Variants in FYN observed in about 807,000 individuals in gnomAD.
The protein encoded by FYN is FYN proto-oncogene, Src family tyrosine kinase, also known as tyrosine-protein kinase Fyn.
A neutral mutation model predicts 70.2 loss-of-function variants in FYN; 10 were observed. The ratio of observed to expected loss-of-function variants is 0.14; its 90% CI spans 0.09 to 0.24. FYN has a LOEUF of 0.24. Ranked by LOEUF, FYN falls within the 10% of genes least tolerant of loss-of-function variation. FYN has a pLI of 1.00. For synonymous variants in FYN, 236 were observed against 248.6 expected (o/e 0.95, Z 0.48); for missense variants, 319 against 673.1 (o/e 0.47, Z 5.82).
Position 111,661,976 on chromosome 6 carries a change from C to A in FYN, c.1406-29G>T. On this transcript the variant is annotated intron_variant, in intron 13 of 13. Transcript: ENST00000354650. The surrounding 1 kb of genome is among the most constrained non-coding windows in gnomAD (Gnocchi z 4.0). ...CAAAGACAAGCGCAGTGAGAGTGGG[C>A]ACCCCGGGGATCCAGGCCCTGACCG... The A allele has an allele frequency of 6.4e-7, 1 of 1,561,764 alleles. No homozygotes were observed. The highest frequency in any genetic ancestry group is 1.2e-5 in the South Asian group (1 of 84,126).
intron 3 of FYN, among the ~76,000 whole-genome samples, chr6:111,776,248 G>A (rs1583433444): frequency 6.6e-6 from 1 of 152,282 alleles, no homozygotes; most frequent in East Asian, 1.9e-4. Flanking sequence ...GGCCCCTGAG[G>A]ATCACCCAGG....
chr6:111,819,267 G>T (rs1311946892), intron 2 of FYN, among the ~76,000 whole-genome samples: 2 of 152,128 alleles, frequency 1.3e-5, no homozygotes, highest in African/African-American at 4.8e-5. Context: ...TTTTCATTAA[G>T]ATTTAGTGCA....
At chr6:111,676,870 C>T (rs889613410) in intron 12 of FYN, among the ~76,000 whole-genome samples, 21 of 151,994 alleles carry the variant, frequency 1.4e-4, no homozygotes, top group Non-Finnish European at 2.8e-4. Flanking sequence ...TGGATACTGT[C>T]ATGTTAGATT....
intron 3 of FYN, among the ~76,000 whole-genome samples, chr6:111,760,288 G>T (rs1045635171): frequency 6.6e-6 from 1 of 152,032 alleles, no homozygotes; most frequent in East Asian, 1.9e-4. Flanking sequence ...GAGCAAACCC[G>T]CACTGCTTGG....
At chr6:111,782,406 T>A (rs942138649) in intron 2 of FYN, among the ~76,000 whole-genome samples, 1 of 152,184 alleles carries the variant, frequency 6.6e-6, no homozygotes, top group African/African-American at 2.4e-5. Context: ...CAGGTAATCA[T>A]TAATATTATC....
At chr6:111,703,863 A>G in intron 7 of FYN, 136 bp downstream of exon 7, 1 of 658,372 alleles carries the variant, frequency 1.5e-6, no homozygotes, top group Non-Finnish European at 2.7e-6. Context: ...GAAGACTGAA[A>G]ACAGGACTCC....
chr6:111,668,103 C>T (rs560093250), intron 13 of FYN, among the ~76,000 whole-genome samples: 5 of 152,332 alleles, frequency 3.3e-5, no homozygotes, highest in Admixed American at 6.5e-5. Flanking sequence ...GCTGTGCTGG[C>T]GCTGGGAAGG....
chr6:111,738,411 G>C (rs1801799164), intron 3 of FYN, among the ~76,000 whole-genome samples: 1 of 152,212 alleles, frequency 6.6e-6, no homozygotes, highest in South Asian at 2.1e-4. Flanking sequence ...ACTCACATCT[G>C]TTTTTGGAGT....
chr6:111,665,135 A>G, intron 13 of FYN, among the ~76,000 whole-genome samples: 1 of 152,150 alleles, frequency 6.6e-6, no homozygotes, highest in East Asian at 1.9e-4. Flanking sequence ...GAGTGTTTTA[A>G]ATTTCAGATT....
intron 3 of FYN, among the ~76,000 whole-genome samples, chr6:111,722,965 G>A (rs1289467430): frequency 1.3e-5 from 2 of 152,190 alleles, no homozygotes; most frequent in African/African-American, 4.8e-5. Context: ...AGGCATGTTA[G>A]GTAGAAGCAG....
At chr6:111,846,103 T>C (rs544133601) in intron 2 of FYN, among the ~76,000 whole-genome samples, 3 of 152,290 alleles carry the variant, frequency 2.0e-5, no homozygotes, top group African/African-American at 7.2e-5. Context: ...GTTACATTAA[T>C]GAAAGAATGA....
chr6:111,792,615 A>G (rs1310956924), intron 2 of FYN, among the ~76,000 whole-genome samples: 2 of 152,248 alleles, frequency 1.3e-5, no homozygotes, highest in Admixed American at 1.3e-4. Flanking sequence ...GTTAAACAGT[A>G]TTACACAGCA....
intron 2 of FYN, among the ~76,000 whole-genome samples, chr6:111,784,894 T>C (rs1476576532): frequency 6.6e-6 from 1 of 152,230 alleles, no homozygotes; most frequent in East Asian, 1.9e-4. Context: ...AAGACCTTTC[T>C]GAGGAAACCA....
chr6:111,705,976 A>G (rs1425671659), intron 6 of FYN, among the ~76,000 whole-genome samples: 1 of 152,220 alleles, frequency 6.6e-6, no homozygotes, highest in African/African-American at 2.4e-5. Context: ...GCACAACTGT[A>G]AGAACTGGTT....
intron 3 of FYN, among the ~76,000 whole-genome samples, chr6:111,737,884 T>C (rs1054008835): frequency 1.3e-5 from 2 of 152,206 alleles, no homozygotes; most frequent in Non-Finnish European, 2.9e-5. Context: ...ATATCACTAA[T>C]GGCCTCAAAT....
chr6:111,822,381 C>CA (rs930999553), intron 2 of FYN, among the ~76,000 whole-genome samples: 1 of 151,428 alleles, frequency 6.6e-6, no homozygotes, highest in Non-Finnish European at 1.5e-5. Context: ...ATCACAAGGA[C>CA]AAAAAACCAA....
chr6:111,689,163 T>C (rs1030009156), intron 12 of FYN, among the ~76,000 whole-genome samples: 1 of 152,224 alleles, frequency 6.6e-6, no homozygotes, highest in South Asian at 2.1e-4. Flanking sequence ...ATCATTTTTA[T>C]TATCACCATT....
rs1355492645 is a variant in FYN, at chr6:111,720,066, C to T, written c.-11-4G>A. 4 of 1,567,706 alleles carry T rather than the reference C, an allele frequency of 2.6e-6. No homozygotes were observed. Among genetic ancestry groups the T allele is most frequent in the Non-Finnish European group, 3.5e-6 (4 of 1,153,348 alleles). ...ACACAGCCCATTATCTAAATTCCTG[C>T]CAAAGACAAAAAAGGGGGCACGTAA... On this transcript the variant is annotated splice_polypyrimidine_tract_variant and splice_region_variant and intron_variant, in intron 3 of 13. Coordinates refer to ENST00000354650, the MANE Select transcript of FYN (RefSeq NM_002037.5).
chr6:111,731,722 A>ATGGCTCAGG (rs1191923287), intron 3 of FYN, among the ~76,000 whole-genome samples: 11 of 152,194 alleles, frequency 7.2e-5, no homozygotes, highest in Non-Finnish European at 1.2e-4. Flanking sequence ...TGGGGACAGA[A>ATGGCTCAGG]TGGCTCAGGA....
Sources: allele counts gnomAD v4.1 joint callset (sites outside exome capture counted in the v4.1 genomes callset), GRCh38; gene constraint gnomAD v4.1.1; non-coding constraint Gnocchi (gnomAD v3.1); transcripts MANE v1.5; gene names NCBI Gene and HGNC (gene_info 2026-07-23, HGNC 2026-07-21).